Variants in MARCHF6 observed in about 807,000 individuals in gnomAD.
The protein encoded by MARCHF6 is E3 ubiquitin-protein ligase MARCHF6.
MARCHF6 carries 31 observed loss-of-function variants against 133.7 expected under a neutral mutation model. The observed-to-expected ratio is 0.23, with a 90% CI of 0.17 to 0.31. MARCHF6 has a LOEUF of 0.31. Ranked by LOEUF, MARCHF6 falls within the 10% of genes least tolerant of loss-of-function variation. The pLI, the probability that MARCHF6 is intolerant of heterozygous loss-of-function variation, is 1.00. For missense variants in MARCHF6, 723 were observed against 1,121.6 expected, an observed-to-expected ratio of 0.64 and a Z score of 5.08; for synonymous variants, 395 against 402.5, an observed-to-expected ratio of 0.98 and a Z score of 0.22.
chr5:10,386,466 A>G (rs1259898348), intron 4 of MARCHF6, among the ~76,000 whole-genome samples: 1 of 152,228 alleles, frequency 6.6e-6, no homozygotes, highest in Non-Finnish European at 1.5e-5. Flanking sequence ...CTAAATGGCC[A>G]GAATTTAGAA....
At chr5:10,412,750 A>G (rs1030139315) in intron 19 of MARCHF6, among the ~76,000 whole-genome samples, 8 of 152,018 alleles carry the variant, frequency 5.3e-5, no homozygotes, top group African/African-American at 1.9e-4. Context: ...TAATTTTTAT[A>G]TTTTTTGTTG....
intron 10 of MARCHF6, 138 bp from the exon 11 acceptor site, chr5:10,400,646 T>C (rs907032250): frequency 4.0e-5 from 27 of 673,810 alleles, no homozygotes; most frequent in Non-Finnish European, 7.2e-5. Flanking sequence ...GAGAATGTCC[T>C]AGGCAGTGTA....
rs1476106838 is a variant in MARCHF6 at position 10,433,853 on chromosome 5, T to A, written c.*169T>A. On this transcript the variant is annotated 3_prime_UTR_variant, in exon 26 of 26. Coordinates refer to ENST00000274140, the MANE Select transcript of MARCHF6 (RefSeq NM_005885.4). ...CGGTGTAAGATTCTGCTGTTCTCCC[T>A]GGATCTTCTGACATTACTGCTGTCT... The A allele has an allele frequency of 4.9e-6, 3 of 608,008 alleles. No homozygotes were observed. The highest frequency in any genetic ancestry group is 8.9e-6 in the Non-Finnish European group (3 of 338,618). The allele number at this position is 608,008 out of a possible 1,614,324, so 37.7% of individuals were successfully genotyped here.
chr5:10,402,435 T>G lies in MARCHF6; in HGVS notation c.1105T>G (p.Cys369Gly). 6.2e-7 allele frequency: 1 copy of G among 1,614,000 alleles called. No individual in the cohort carries two copies. The highest frequency in any genetic ancestry group is 8.5e-7 in the Non-Finnish European group (1 of 1,179,882). ...FHRSRRLLGV[C>G]YIVVKVSLLV... ...TAGATCTCGTCGCTTACTGGGAGTC[T>G]GCTATATTGTTGTTAAGGTAATTCC... Residue 369 changes from cysteine (C) to glycine (G), a missense_variant, in exon 13 of 26, where the codon TGC becomes GGC. Cys to Gly is a radical substitution (Grantham distance 159). This residue lies in a region of MARCHF6 where 492 missense variants were observed against 699.5 expected (regional missense o/e 0.70). Transcript: ENST00000274140.
intron 14 of MARCHF6, among the ~76,000 whole-genome samples, chr5:10,402,927 CTGTCTT>C (rs1330348918): frequency 6.6e-6 from 1 of 152,100 alleles, no homozygotes; most frequent in Non-Finnish European, 1.5e-5. Flanking sequence ...GATAAGGAAA[CTGTCTT>C]TGTAGTAATA....
In MARCHF6 at chr5:10,426,323, A is replaced by T. The variant is rs552509339; in HGVS notation, c.2374-67A>T. 7 of 1,551,896 alleles carry T rather than the reference A, an allele frequency of 4.5e-6. No individual in the cohort carries two copies. In the African/African-American group the frequency reaches 5.5e-5, roughly 12 times the overall value. On this transcript the variant is annotated intron_variant, in intron 23 of 25. Transcript: ENST00000274140. ...GGTTGGCAGATTCAGTTGTGTGGAG[A>T]TTGCTGTATTAACTTGGAGGAATTT...
chr5:10,355,182 T>C (rs757774462), intron 1 of MARCHF6, among the ~76,000 whole-genome samples: 4 of 152,242 alleles, frequency 2.6e-5, no homozygotes, highest in Non-Finnish European at 4.4e-5. Flanking sequence ...TATGCCACAG[T>C]GTGTTTATTA....
chr5:10,394,061 A>G (rs1738034823), intron 7 of MARCHF6, 21 bp from the exon 8 acceptor site: 2 of 1,420,692 alleles, frequency 1.4e-6, no homozygotes, highest in Admixed American at 2.2e-5. Flanking sequence ...AGTAATCTTT[A>G]AATTGCAATT....
At chr5:10,392,698 G>T (rs996456770) in intron 7 of MARCHF6, among the ~76,000 whole-genome samples, 2 of 151,748 alleles carry the variant, frequency 1.3e-5, no homozygotes, top group African/African-American at 4.8e-5. Flanking sequence ...AGGTTGCAGG[G>T]AGCTGAGATC....
chr5:10,393,323 C>T (rs1349190101), intron 7 of MARCHF6, among the ~76,000 whole-genome samples: 3 of 152,170 alleles, frequency 2.0e-5, no homozygotes, highest in Non-Finnish European at 4.4e-5. Flanking sequence ...GATCCTCCTG[C>T]CTCAGCCTCC....
intron 4 of MARCHF6, among the ~76,000 whole-genome samples, chr5:10,386,153 T>G (rs771545701): frequency 6.6e-6 from 1 of 152,196 alleles, no homozygotes; most frequent in Non-Finnish European, 1.5e-5. Flanking sequence ...GTCTGAGTAT[T>G]TTATAAACAT....
chr5:10,418,338 C>G (rs1355955499), intron 22 of MARCHF6, among the ~76,000 whole-genome samples: 2 of 149,810 alleles, frequency 1.3e-5, no homozygotes, highest in Non-Finnish European at 3.0e-5. Flanking sequence ...TGAGATCATG[C>G]TACTGCACTC....
intron 24 of MARCHF6, among the ~76,000 whole-genome samples, chr5:10,428,914 T>G (rs1324486050): frequency 1.3e-5 from 2 of 152,330 alleles, no homozygotes; most frequent in East Asian, 3.9e-4. Context: ...TGTTGGTACC[T>G]GTTTTGCCCT....
chr5:10,420,445 T>G (rs919005528), intron 22 of MARCHF6, among the ~76,000 whole-genome samples: 1 of 151,852 alleles, frequency 6.6e-6, no homozygotes, highest in South Asian at 2.1e-4. Context: ...AGTGGAGGGG[T>G]CAGGCTGACA....
At chr5:10,401,040 A>G (rs1579583288) in intron 11 of MARCHF6, 198 bp downstream of exon 11, 3 of 512,826 alleles carry the variant, frequency 5.8e-6, no homozygotes, top group Non-Finnish European at 6.9e-6. Context: ...ACTAATGAAA[A>G]TGTGCTCTGA....
In MARCHF6 at chr5:10,410,202, A is replaced by G. The variant is rs1283600416; in HGVS notation, c.1617A>G (p.Leu539=). The G allele has an allele frequency of 1.9e-6, 3 of 1,613,786 alleles. No homozygotes were observed. The highest frequency in any genetic ancestry group is 1.7e-6 in the Non-Finnish European group (2 of 1,180,022). The change falls in exon 18 of 26, where the codon TTA becomes TTG. Residue 539 remains leucine (L), a synonymous_variant. Transcript: ENST00000274140. ...LLLLQVVLPA[L]LEQGHTRQWL... Reference sequence around the variant, plus strand: ...TGCTTCAGGTTGTCTTGCCAGCATTACTCGAACAGGGACACACGAGGCAGT... The same window carrying G: ...TGCTTCAGGTTGTCTTGCCAGCATTGCTCGAACAGGGACACACGAGGCAGT...
intron 5 of MARCHF6, among the ~76,000 whole-genome samples, chr5:10,388,534 C>A (rs1737624627): frequency 6.6e-6 from 1 of 152,158 alleles, no homozygotes; most frequent in Non-Finnish European, 1.5e-5. Context: ...GCTTATAATT[C>A]TGGGGTCAGC....
At chr5:10,424,829 G>A (rs1740001667) in intron 23 of MARCHF6, among the ~76,000 whole-genome samples, 1 of 152,188 alleles carries the variant, frequency 6.6e-6, no homozygotes, top group Non-Finnish European at 1.5e-5. Flanking sequence ...GACTATTATT[G>A]TATTACAGAA....
At position 10,376,984 on chromosome 5, in the gene MARCHF6, A is replaced by C. The variant is rs913757393; in HGVS notation, c.20-814A>C. Among the ~76,000 whole-genome samples the C allele has an allele frequency of 8.5e-5, 13 of 152,196 alleles. 1 individual carries two copies. Among genetic ancestry groups the C allele is most frequent in the Non-Finnish European group, 1.8e-4 (12 of 68,034 alleles). ...CCTGACAGATAGCTGAGAACGGTCT[A>C]AAATAAAAGTTATAACCAGGGTTCC... On this transcript the variant is annotated intron_variant, in intron 1 of 25. Transcript: ENST00000274140.
Sources: allele counts gnomAD v4.1 joint callset (sites outside exome capture counted in the v4.1 genomes callset), GRCh38; gene constraint gnomAD v4.1.1; regional missense constraint gnomAD v4.1.1; transcripts MANE v1.5; gene names NCBI Gene and HGNC (gene_info 2026-07-23, HGNC 2026-07-21).